Variants in PDGFC observed in about 807,000 individuals in gnomAD.
The protein encoded by PDGFC is platelet derived growth factor C.
A neutral mutation model predicts 35.5 loss-of-function variants in PDGFC; 12 were observed. The ratio of observed to expected loss-of-function variants is 0.34; its 90% confidence interval spans 0.22 to 0.55. The LOEUF is 0.55. Among genes scored for constraint, PDGFC ranks in the 20% least tolerant of loss-of-function variants. The pLI is 0.91. For synonymous variants in PDGFC, 159 were observed against 148.8 expected, an observed-to-expected ratio of 1.07 and a Z score of -0.50; for missense variants, 322 against 412.4, an observed-to-expected ratio of 0.78 and a Z score of 1.90.
intron 2 of PDGFC, among the ~76,000 whole-genome samples, chr4:156,815,066 T>C (rs959203149): frequency 6.6e-6 from 1 of 152,144 alleles, no homozygotes; most frequent in Non-Finnish European, 1.5e-5. Flanking sequence ...AAAATCTATA[T>C]AGTTTTGTTC....
intron 1 of PDGFC, among the ~76,000 whole-genome samples, chr4:156,904,530 C>T (rs1730868659): frequency 6.6e-6 from 1 of 152,002 alleles, no homozygotes; most frequent in African/African-American, 2.4e-5. Context: ...CACTAGTTCC[C>T]TCATTTACAA....
chr4:156,868,299 A>G (rs1218866619), intron 1 of PDGFC, among the ~76,000 whole-genome samples: 2 of 152,238 alleles, frequency 1.3e-5, no homozygotes, highest in Non-Finnish European at 2.9e-5. Context: ...TATTTATGTA[A>G]TGCAAAATTA....
chr4:156,910,488 G>C (rs1731013597), intron 1 of PDGFC, among the ~76,000 whole-genome samples: 1 of 152,014 alleles, frequency 6.6e-6, no homozygotes, highest in Non-Finnish European at 1.5e-5. Context: ...TACAAATAAA[G>C]CTGCTATGAA....
chr4:156,773,922 C>T (rs370933865), intron 3 of PDGFC, among the ~76,000 whole-genome samples: 1 of 152,136 alleles, frequency 6.6e-6, no homozygotes, highest in Non-Finnish European at 1.5e-5. Flanking sequence ...ACTAACACAT[C>T]GGCTCTTCCT....
chr4:156,783,623 T>C (rs1009152911), intron 3 of PDGFC, among the ~76,000 whole-genome samples: 1 of 152,184 alleles, frequency 6.6e-6, no homozygotes, highest in Non-Finnish European at 1.5e-5. Flanking sequence ...GGTCGACCTT[T>C]GTGATCCACC....
At chr4:156,861,900 T>C (rs537305688) in intron 1 of PDGFC, among the ~76,000 whole-genome samples, 1 of 152,120 alleles carries the variant, frequency 6.6e-6, no homozygotes, top group Non-Finnish European at 1.5e-5. Context: ...CCCTGCAAAG[T>C]AGCAATTATT....
chr4:156,892,712 C>A (rs1730542546), intron 1 of PDGFC, among the ~76,000 whole-genome samples: 1 of 152,092 alleles, frequency 6.6e-6, no homozygotes, highest in African/African-American at 2.4e-5. Context: ...ACCATTCAGG[C>A]AAAGGATTTT....
chr4:156,951,416 T>C (rs1269220968), intron 1 of PDGFC, among the ~76,000 whole-genome samples: 1 of 151,788 alleles, frequency 6.6e-6, no homozygotes, highest in Non-Finnish European at 1.5e-5. Flanking sequence ...TTTGAAACCA[T>C]TATTGACCAT....
intron 3 of PDGFC, among the ~76,000 whole-genome samples, chr4:156,795,503 C>G (rs1267957916): frequency 1.3e-5 from 2 of 151,924 alleles, no homozygotes; most frequent in Non-Finnish European, 2.9e-5. Flanking sequence ...AGTACAGGCC[C>G]TAAATGATGA....
chr4:156,933,076 C>A (rs893367784), intron 1 of PDGFC, among the ~76,000 whole-genome samples: 1 of 152,010 alleles, frequency 6.6e-6, no homozygotes, highest in Admixed American at 6.6e-5. Flanking sequence ...CATGCCTTCT[C>A]TGAATCGGGG....
rs545349712 is a variant in PDGFC, at chr4:156,891,367, T to C, written c.119-40951A>G. 3.0e-4 allele frequency among the ~76,000 whole-genome samples: 44 copies of C among 147,454 alleles called. 1 individual carries two copies. The East Asian group carries it at 7.5e-3, about 25-fold the overall frequency. On this transcript the variant is annotated intron_variant, in intron 1 of 5. Coordinates refer to ENST00000502773, the MANE Select transcript of PDGFC (RefSeq NM_016205.3). ...ATTATCCTATGGGACCATCTTCATA[T>C]GTATATGCAGTTTGTTGTTGACCAA...
intron 3 of PDGFC, among the ~76,000 whole-genome samples, chr4:156,787,339 A>G (rs181762358): frequency 1.3e-5 from 2 of 152,304 alleles, no homozygotes; most frequent in East Asian, 3.9e-4. Context: ...TCAACCACTG[A>G]TGATAGGTCT....
At chr4:156,826,092 T>C (rs912225104) in intron 2 of PDGFC, among the ~76,000 whole-genome samples, 2 of 147,714 alleles carry the variant, frequency 1.4e-5, no homozygotes, top group African/African-American at 4.9e-5. Context: ...GCTCAAACCC[T>C]GGGCTCAAGC....
intron 1 of PDGFC, among the ~76,000 whole-genome samples, chr4:156,965,758 T>C (rs79513503): frequency 0.014 from 2,196 of 152,110 alleles, 60 homozygotes; most frequent in African/African-American, 0.049. Context: ...CCATACCCCT[T>C]CTTACTCCAG....
At chr4:156,833,109 C>A (rs568386570) in intron 2 of PDGFC, among the ~76,000 whole-genome samples, 1 of 152,280 alleles carries the variant, frequency 6.6e-6, no homozygotes, top group East Asian at 1.9e-4. Flanking sequence ...TGGCAGTGGG[C>A]CTGCTGATGG....
intron 2 of PDGFC, among the ~76,000 whole-genome samples, chr4:156,826,174 A>ATTTTTTTTTTTTTTTTTTTTTTTTT (rs59421806): frequency 2.3e-5 from 1 of 43,768 alleles, no homozygotes; most frequent in African/African-American, 8.1e-5. Context: ...TTTGAGTTGG[A>ATTTTTTTTTTTTTTTTTTTTTTTTT]TTTTTTTTTT....
At chr4:156,800,028 T>C (rs2110910929) in intron 3 of PDGFC, among the ~76,000 whole-genome samples, 1 of 152,218 alleles carries the variant, frequency 6.6e-6, no homozygotes, top group South Asian at 2.1e-4. Flanking sequence ...TCTTAAATTT[T>C]TGTTTCTTTC....
Position 156,762,697 on chromosome 4 carries a change from G to T in PDGFC, c.*393C>A, listed in dbSNP as rs987119092. The T allele has an allele frequency of 6.4e-6, 1 of 155,938 alleles. No individual in the cohort carries two copies. Among genetic ancestry groups the T allele is most frequent in the South Asian group, 2.0e-4 (1 of 4,880 alleles). The allele number at this position is 155,938 out of a possible 1,614,324, so 9.7% of individuals were successfully genotyped here. On this transcript the variant is annotated 3_prime_UTR_variant, in exon 6 of 6. Transcript: ENST00000502773. ...ACATGGAGCTTTAGAGTTAAGCAAG[G>T]CAACGGAATCAGGTGCTCACTTGCA...
At position 156,764,531 on chromosome 4, in the gene PDGFC, TC is replaced by T. The variant is rs1322822601; in HGVS notation, c.922-1326del. Among the ~76,000 whole-genome samples the T allele has an allele frequency of 3.9e-5, 6 of 152,290 alleles. No homozygotes were observed. The East Asian group carries it at 1.2e-3, about 29-fold the overall frequency. ...AGAGATAGATAATAATTTTATAGAC[TC>T]AGAATATCACTGCTCATACATTCTA... On this transcript the variant is annotated intron_variant, in intron 5 of 5. Transcript: ENST00000502773.
Sources: gnomAD v4.1 joint callset for allele counts (sites outside exome capture counted in the v4.1 genomes callset) on GRCh38, gnomAD v4.1.1 for gene constraint, MANE v1.5 for transcripts, NCBI Gene and HGNC (gene_info 2026-07-23, HGNC 2026-07-21) for gene names.